Variants in BRIP1 observed in about 807,000 individuals in gnomAD.
BRIP1 encodes the protein Fanconi anemia group J protein.
Under a neutral mutation model 119.7 loss-of-function variants are expected in BRIP1, and 88 were observed. The observed-to-expected ratio is 0.74, with a 90% CI of 0.62 to 0.88. BRIP1 has a LOEUF of 0.88. Among genes scored for constraint, BRIP1 ranks in the 40% least tolerant of loss-of-function variants. BRIP1 has a pLI of 0.00. For synonymous variants in BRIP1, 443 were observed against 496.5 expected, an observed-to-expected ratio of 0.89 and a Z score of 1.43; for missense variants, 1,259 against 1,455.4, an observed-to-expected ratio of 0.87 and a Z score of 2.20.
Position 61,705,059 on chromosome 17 carries a change from AG to A in BRIP1, c.2492+10891del, listed in dbSNP as rs1244040738. The stretch of plus-strand genomic sequence containing the variant: ...CCAGAAAGCAAGCATAGAACACAAT[AG>A]GTAGTTTTTCAACCCTTGCTTCCCT... On this transcript the variant is annotated intron_variant, in intron 17 of 19. Coordinates refer to ENST00000259008, the MANE Select transcript of BRIP1 (RefSeq NM_032043.3). This position sits in a 1 kb window ranked among gnomAD's most constrained non-coding sequence, Gnocchi z 5.0. Among the ~76,000 whole-genome samples the A allele has an allele frequency of 6.6e-6, 1 of 152,152 alleles. No homozygotes were observed. The highest frequency in any genetic ancestry group is 1.5e-5 in the Non-Finnish European group (1 of 68,006).
chr17:61,770,270 T>C lies in BRIP1; in HGVS notation c.2097+6131A>G, dbSNP rs1482098835. ...AAGATGCTTCCTGTTCCCCATACCT[T>C]ACCACCACATCAACAGGGCTCCAGT... On this transcript the variant is annotated intron_variant, in intron 14 of 19. Transcript: ENST00000259008. The surrounding 1 kb of genome is among the most constrained non-coding windows in gnomAD (Gnocchi z 4.7). 2.0e-5 allele frequency among the ~76,000 whole-genome samples: 3 copies of C among 152,190 alleles called. No individual in the cohort carries two copies. The highest frequency in any genetic ancestry group is 2.9e-5 in the Non-Finnish European group (2 of 68,036).
chr17:61,798,346 T>C lies in BRIP1; in HGVS notation c.1340+754A>G, dbSNP rs1221063289. 6.6e-6 allele frequency among the ~76,000 whole-genome samples: 1 copy of C among 151,884 alleles called. No individual in the cohort carries two copies. Among genetic ancestry groups the C allele is most frequent in the Non-Finnish European group, 1.5e-5 (1 of 67,898 alleles). ...TGGAAAATAGTGAGGGACAAGAAAA[T>C]ATATCTAATATTGGTTCATAAATGA... On this transcript the variant is annotated intron_variant, in intron 9 of 19. Coordinates refer to ENST00000259008, the MANE Select transcript of BRIP1 (RefSeq NM_032043.3). This position sits in a 1 kb window ranked among gnomAD's most constrained non-coding sequence, Gnocchi z 5.5.
intron 10 of BRIP1, among the ~76,000 whole-genome samples, chr17:61,790,552 A>T (rs1264457852): frequency 5.3e-5 from 8 of 151,826 alleles, no homozygotes; most frequent in South Asian, 2.1e-4. Flanking sequence ...ATCTCAAAAA[A>T]ATATATATAT....
Position 61,778,511 on chromosome 17 carries a change from A to T in BRIP1, c.1935+1750T>A, listed in dbSNP as rs563169626. Among the ~76,000 whole-genome samples the T allele has an allele frequency of 6.6e-6, 1 of 152,334 alleles. No homozygotes were observed. The highest frequency in any genetic ancestry group is 1.9e-4 in the East Asian group (1 of 5,190). ...TTCTACCACAATTAAAAGTTTTTTA[A>T]ATTTTAAGTTGAAGGAAAATATTAC... On this transcript the variant is annotated intron_variant, in intron 13 of 19. Coordinates refer to ENST00000259008, the MANE Select transcript of BRIP1 (RefSeq NM_032043.3). The surrounding 1 kb of genome is among the most constrained non-coding windows in gnomAD (Gnocchi z 4.4).
rs2145836826 is a variant in BRIP1 at position 61,857,984 on chromosome 17, C to T, written c.206-753G>A. ...AACACATAAGGGTTAAATCATTCCC[C>T]CAATTATACTTCTATTTCAAATAGA... On this transcript the variant is annotated intron_variant, in intron 3 of 19. Coordinates refer to ENST00000259008, the MANE Select transcript of BRIP1 (RefSeq NM_032043.3). The surrounding 1 kb of genome is among the most constrained non-coding windows in gnomAD (Gnocchi z 5.1). Among the ~76,000 whole-genome samples, 1 of 152,076 alleles carries T rather than the reference C, an allele frequency of 6.6e-6. No homozygotes were observed. The highest frequency in any genetic ancestry group is 1.9e-4 in the East Asian group (1 of 5,178).
intron 17 of BRIP1, among the ~76,000 whole-genome samples, chr17:61,714,313 A>G (rs925210823): frequency 6.6e-6 from 1 of 152,244 alleles, no homozygotes; most frequent in African/African-American, 2.4e-5. Context: ...CACTCAGAGC[A>G]ACTTATAGTC....
rs12950438 is a variant in BRIP1, at chr17:61,768,992, C to T, written c.2097+7409G>A. Among the ~76,000 whole-genome samples the T allele has an allele frequency of 0.75, 113,812 of 151,676 alleles. 43,086 individuals carry two copies. Among genetic ancestry groups the T allele is most frequent in the East Asian group, 0.82 (4,222 of 5,152 alleles). ...ATAAGCTGCCACGTTGTTGAGAGGG[C>T]GATATGACTAGGACCTGAATGCAAC... is the stretch of plus-strand genomic sequence containing the variant. On this transcript the variant is annotated intron_variant, in intron 14 of 19. Transcript: ENST00000259008. The surrounding 1 kb of genome is among the most constrained non-coding windows in gnomAD (Gnocchi z 5.0).
intron 9 of BRIP1, among the ~76,000 whole-genome samples, chr17:61,797,046 T>G (rs1043349076): frequency 7.2e-5 from 11 of 151,960 alleles, no homozygotes. Flanking sequence ...AGATGTAAAG[T>G]TGAAATGTCT....
Position 61,861,395 on chromosome 17 carries a change from G to T in BRIP1, c.93+52C>A, listed in dbSNP as rs2078970129. ...AGTCAAATACTCAATGTACTTTATG[G>T]GTCATAAGTATCTATATCTTAATAA... On this transcript the variant is annotated intron_variant, in intron 2 of 19. Coordinates refer to ENST00000259008, the MANE Select transcript of BRIP1 (RefSeq NM_032043.3). This position sits in a 1 kb window ranked among gnomAD's most constrained non-coding sequence, Gnocchi z 4.5. 1 of 1,155,536 alleles carries T rather than the reference G, an allele frequency of 8.7e-7. No homozygotes were observed. The highest frequency in any genetic ancestry group is 1.3e-6 in the Non-Finnish European group (1 of 766,274). 71.6% of individuals were successfully genotyped at this position (1,155,536 alleles called of 1,614,324 possible).
chr17:61,715,647 CT>C (rs936010882), intron 17 of BRIP1, among the ~76,000 whole-genome samples: 3 of 152,090 alleles, frequency 2.0e-5, no homozygotes, highest in African/African-American at 7.2e-5. Flanking sequence ...CAAGACAAAA[CT>C]TTTTTGATTT....
In BRIP1 at chr17:61,691,871, A is replaced by G. The variant is rs1361417379; in HGVS notation, c.2575+1559T>C. Among the ~76,000 whole-genome samples, 1 of 152,266 alleles carries G rather than the reference A, an allele frequency of 6.6e-6. No individual in the cohort carries two copies. Among genetic ancestry groups the G allele is most frequent in the Non-Finnish European group, 1.5e-5 (1 of 68,046 alleles). On this transcript the variant is annotated intron_variant, in intron 18 of 19. Coordinates refer to ENST00000259008, the MANE Select transcript of BRIP1 (RefSeq NM_032043.3). The surrounding 1 kb of genome is among the most constrained non-coding windows in gnomAD (Gnocchi z 5.0). ...ATTATAAAATACATTACACAGCTGT[A>G]GTAGTCAAAAAAGTATGGTACTGGC...
intron 17 of BRIP1, among the ~76,000 whole-genome samples, chr17:61,694,626 T>C (rs1337471932): frequency 6.6e-6 from 1 of 152,074 alleles, no homozygotes; most frequent in Non-Finnish European, 1.5e-5. Context: ...CTGCACATTT[T>C]ACATTCCCAC....
At chr17:61,849,337 G>A (rs1648351456) in intron 4 of BRIP1, 81 bp from the exon 5 acceptor site, 1 of 1,204,090 alleles carries the variant, frequency 8.3e-7, no homozygotes, top group South Asian at 1.3e-5. Context: ...GAACCAGGAT[G>A]TAAGGCTTAT....
In BRIP1 at chr17:61,852,561, A is replaced by C. The variant is rs938217617; in HGVS notation, c.380-3305T>G. On this transcript the variant is annotated intron_variant, in intron 4 of 19. Transcript: ENST00000259008. This position sits in a 1 kb window ranked among gnomAD's most constrained non-coding sequence, Gnocchi z 4.9. ...CAGGTGCCTGTAATCCCAGCTACTCAGGAGGTTGAAGCAGGAGAATTGCTT... is the reference window on the plus strand; with the variant it reads ...CAGGTGCCTGTAATCCCAGCTACTCCGGAGGTTGAAGCAGGAGAATTGCTT... Among the ~76,000 whole-genome samples, 1 of 152,108 alleles carries C rather than the reference A, an allele frequency of 6.6e-6. No individual in the cohort carries two copies. The highest frequency in any genetic ancestry group is 1.9e-4 in the East Asian group (1 of 5,194).
chr17:61,685,775 A>G (rs748519733), intron 19 of BRIP1, 61 bp downstream of exon 19: 1 of 1,376,166 alleles, frequency 7.3e-7, no homozygotes, highest in Non-Finnish European at 1.0e-6. Flanking sequence ...AATAAATATC[A>G]TTTCACTAAA....
In BRIP1 at chr17:61,857,172, CACA is replaced by C. The variant is rs587781388; in HGVS notation, c.262_264del (p.Cys88del). 1.2e-5 allele frequency: 20 copies of C among 1,613,784 alleles called. No homozygotes were observed. Among genetic ancestry groups the C allele is most frequent in the African/African-American group, 5.3e-5 (4 of 74,914 alleles). On this transcript the variant is annotated inframe_deletion, in exon 4 of 20. Coordinates refer to ENST00000259008, the MANE Select transcript of BRIP1 (RefSeq NM_032043.3). The surrounding 1 kb of genome is among the most constrained non-coding windows in gnomAD (Gnocchi z 5.1). ...TTTGTAAAATCCTTTGAATGGCATG[CACA>C]ACAACATGACAATTGTACTTCAGCT...
chr17:61,776,615 T>G lies in BRIP1; in HGVS notation c.1936-53A>C. 1 of 1,559,004 alleles carries G rather than the reference T, an allele frequency of 6.4e-7. No homozygotes were observed. The highest frequency in any genetic ancestry group is 1.1e-5 in the South Asian group (1 of 89,748). On this transcript the variant is annotated intron_variant, in intron 13 of 19. Transcript: ENST00000259008. This position sits in a 1 kb window ranked among gnomAD's most constrained non-coding sequence, Gnocchi z 5.0. ...GTTATGCCTGAAAAAGGCATGGAAA[T>G]TAGTATTTATTTGGAAGTATGTACA...
chr17:61,731,558 T>C (rs1041011573), intron 16 of BRIP1, among the ~76,000 whole-genome samples: 3 of 152,262 alleles, frequency 2.0e-5, no homozygotes, highest in Non-Finnish European at 2.9e-5. Context: ...TTTCAGTTCT[T>C]GGAAACTGCT....
chr17:61,737,037 T>A (rs1305212171), intron 16 of BRIP1, among the ~76,000 whole-genome samples: 1 of 152,082 alleles, frequency 6.6e-6, no homozygotes, highest in Non-Finnish European at 1.5e-5. Context: ...GAGATTCAGA[T>A]GATAGTTATA....
Sources: allele counts gnomAD v4.1 joint callset (sites outside exome capture counted in the v4.1 genomes callset), GRCh38; gene constraint gnomAD v4.1.1; non-coding constraint Gnocchi (gnomAD v3.1); transcripts MANE v1.5; gene names NCBI Gene and HGNC (gene_info 2026-07-23, HGNC 2026-07-21).